The following RRM2 variants were observed in gnomAD, a reference collection of about 807,000 sequenced individuals.
RRM2 encodes ribonucleoside-diphosphate reductase subunit M2.
In RRM2, 6 loss-of-function variants were observed where a neutral mutation model predicts 45.9. The observed-to-expected ratio is 0.13, with a 90% CI of 0.07 to 0.26. The LOEUF (loss-of-function observed/expected upper bound fraction) is 0.26. RRM2 is among the 10% of genes least tolerant of loss of function. The pLI, the probability that RRM2 is intolerant of heterozygous loss-of-function variation, is 1.00. For missense variants in RRM2, 343 were observed against 489.5 expected (o/e 0.70, Z 2.82); for synonymous variants, 177 against 173.0 (o/e 1.02, Z -0.18).
At chr2:10,176,958 T>A (rs1042789934) in intron 3 of RRM2, among the ~76,000 whole-genome samples, 3 of 152,136 alleles carry the variant, frequency 2.0e-5, no homozygotes, top group African/African-American at 7.2e-5. Context: ...AAAATAGTAC[T>A]GATTGAGCCG....
upstream of RRM2, among the ~76,000 whole-genome samples, chr2:10,140,107 C>T (rs372850246): frequency 1.1e-4 from 16 of 152,148 alleles, 1 homozygote; most frequent in Admixed American, 5.9e-4. Context: ...ATTAGCTGGG[C>T]GTGGTGGCGG....
intron 3 of RRM2, among the ~76,000 whole-genome samples, chr2:10,150,182 G>C (rs1367430048): frequency 6.6e-6 from 1 of 151,856 alleles, no homozygotes. Context: ...GCGTGGTGGT[G>C]CAAGCCTGTA....
intron 3 of RRM2, among the ~76,000 whole-genome samples, chr2:10,161,457 G>A (rs76765357): frequency 0.025 from 3,857 of 152,294 alleles, 176 homozygotes; most frequent in African/African-American, 0.088. Flanking sequence ...GCGTGCACGA[G>A]GGGCACAGCC....
intron 3 of RRM2, among the ~76,000 whole-genome samples, chr2:10,192,438 T>C (rs1046175514): frequency 9.9e-5 from 15 of 152,190 alleles, no homozygotes; most frequent in Admixed American, 7.9e-4. Context: ...GCTCCAGCTC[T>C]GGAGAACACA....
upstream of RRM2, among the ~76,000 whole-genome samples, chr2:10,137,603 T>C (rs1208963726): frequency 6.6e-6 from 1 of 152,202 alleles, no homozygotes; most frequent in Non-Finnish European, 1.5e-5. Flanking sequence ...GCTAGAAAGG[T>C]AGCTTATGGC....
intron 3 of RRM2, among the ~76,000 whole-genome samples, chr2:10,143,094 T>C (rs1325462029): frequency 3.9e-5 from 6 of 152,184 alleles, no homozygotes; most frequent in African/African-American, 1.4e-4. Flanking sequence ...AGGATGGTCT[T>C]GATCTCCTGA....
chr2:10,174,363 G>C (rs1663869052), intron 3 of RRM2, among the ~76,000 whole-genome samples: 1 of 152,194 alleles, frequency 6.6e-6, no homozygotes, highest in Non-Finnish European at 1.5e-5. Context: ...GCTGTCAGCA[G>C]AGGGGAATGG....
At chr2:10,151,564 C>T (rs1663313116) in intron 3 of RRM2, among the ~76,000 whole-genome samples, 1 of 152,146 alleles carries the variant, frequency 6.6e-6, no homozygotes, top group East Asian at 1.9e-4. Context: ...TCCGAAAGTG[C>T]TGGGATCACA....
At chr2:10,125,471 T>C (rs1184353440) in intron 5 of RRM2, among the ~76,000 whole-genome samples, 1 of 152,092 alleles carries the variant, frequency 6.6e-6, no homozygotes, top group Non-Finnish European at 1.5e-5. Context: ...TTTGGGAGGC[T>C]GAAGCGGGCG....
chr2:10,153,108 A>AG (rs1663350124), intron 3 of RRM2, among the ~76,000 whole-genome samples: 1 of 151,982 alleles, frequency 6.6e-6, no homozygotes, highest in Non-Finnish European at 1.5e-5. Flanking sequence ...AAAGTAGGTG[A>AG]ATCACTTGAG....
Position 10,169,655 on chromosome 2 carries a change from C to T in RRM2, n.482+27280C>T, listed in dbSNP as rs537796179. 1.1e-4 allele frequency among the ~76,000 whole-genome samples: 17 copies of T among 152,136 alleles called. No individual in the cohort carries two copies. The highest frequency in any genetic ancestry group is 2.5e-4 in the Non-Finnish European group (17 of 68,036). ...CTGGCAGGCACGGCCACAGAATATGCGCCCCTTTCCTGGCCCCCTCGAGGT... is the reference window on the plus strand; with the variant it reads ...CTGGCAGGCACGGCCACAGAATATGTGCCCCTTTCCTGGCCCCCTCGAGGT... On this transcript the variant is annotated intron_variant and non_coding_transcript_variant, in intron 3 of 3. Coordinates refer to the RRM2 transcript ENST00000381786. This position sits in a 1 kb window ranked among gnomAD's most constrained non-coding sequence, Gnocchi z 5.1.
chr2:10,127,465 A>G lies in RRM2; in HGVS notation c.798+245A>G, dbSNP rs1662803990. The G allele has an allele frequency of 2.5e-6, 1 of 395,266 alleles. No individual in the cohort carries two copies. 24.5% of individuals were successfully genotyped at this position (395,266 alleles called of 1,614,324 possible). A position where few individuals can be genotyped will look rare whatever the true frequency, so the allele number is the denominator to read the frequency against. On this transcript the variant is annotated intron_variant, in intron 7 of 9. Transcript: ENST00000304567. This position sits in a 1 kb window ranked among gnomAD's most constrained non-coding sequence, Gnocchi z 4.1. ...ATTCCCCTATAGGCTTTGAATGCAT[A>G]AAACTACAAGTTCTTTGTTTTTTGA...
upstream of RRM2, among the ~76,000 whole-genome samples, chr2:10,137,018 G>A (rs987680484): frequency 6.6e-6 from 1 of 152,212 alleles, no homozygotes; most frequent in Non-Finnish European, 1.5e-5. Flanking sequence ...AGTGAATTCT[G>A]AAGTCCACAT....
chr2:10,194,588 C>G (rs564374779), intron 3 of RRM2, among the ~76,000 whole-genome samples: 29 of 152,242 alleles, frequency 1.9e-4, no homozygotes, highest in Non-Finnish European at 3.7e-4. Context: ...GTCCATTTCC[C>G]CAACCACCGG....
At position 10,127,369 on chromosome 2, in the gene RRM2, G is replaced by A; in HGVS notation, c.798+149G>A. On this transcript the variant is annotated intron_variant, in intron 7 of 9. Transcript: ENST00000304567. The surrounding 1 kb of genome is among the most constrained non-coding windows in gnomAD (Gnocchi z 4.1). ...ACCATACACATACTTGACAAAAGAA[G>A]GAAATACTTTCATTTACTGAAACTG... 1 of 736,950 alleles carries A rather than the reference G, an allele frequency of 1.4e-6. No individual in the cohort carries two copies. Among genetic ancestry groups the A allele is most frequent in the Non-Finnish European group, 2.2e-6 (1 of 463,428 alleles). 45.7% of individuals were successfully genotyped at this position (736,950 alleles called of 1,614,324 possible).
In RRM2 at chr2:10,172,003, C is replaced by T. The variant is rs1663815656; in HGVS notation, n.482+29628C>T. Reference sequence around the variant, plus strand: ...GTTTAGAAAACCGGGCAGAGGAGCCCTGCTAGTCCAGGCCGGGCCAGCGCC... The same window carrying T: ...GTTTAGAAAACCGGGCAGAGGAGCCTTGCTAGTCCAGGCCGGGCCAGCGCC... On this transcript the variant is annotated intron_variant and non_coding_transcript_variant, in intron 3 of 3. Transcript: ENST00000381786. The surrounding 1 kb of genome is among the most constrained non-coding windows in gnomAD (Gnocchi z 4.9). Among the ~76,000 whole-genome samples the T allele has an allele frequency of 2.0e-5, 3 of 152,158 alleles. No homozygotes were observed. The highest frequency in any genetic ancestry group is 7.2e-5 in the African/African-American group (3 of 41,442).
At chr2:10,162,420 C>T (rs548185611) in intron 3 of RRM2, among the ~76,000 whole-genome samples, 84 of 152,234 alleles carry the variant, frequency 5.5e-4, no homozygotes, top group Non-Finnish European at 1.1e-3. Context: ...TGAGTCTCAG[C>T]TCTGCCATTT....
chr2:10,142,477 C>T, intron 3 of RRM2: 1 of 1,160,522 alleles, frequency 8.6e-7, no homozygotes, highest in Non-Finnish European at 1.2e-6. Context: ...TGTACAGGGC[C>T]CCCACGCACC....
intron 3 of RRM2, among the ~76,000 whole-genome samples, chr2:10,187,675 A>C (rs946392366): frequency 1.3e-5 from 2 of 152,138 alleles, no homozygotes; most frequent in Non-Finnish European, 2.9e-5. Flanking sequence ...TGTGTAAAAC[A>C]GGGATTGTGG....
Sources: gnomAD v4.1 joint callset for allele counts (sites outside exome capture counted in the v4.1 genomes callset) on GRCh38, gnomAD v4.1.1 for gene constraint, Gnocchi (gnomAD v3.1) non-coding constraint, MANE v1.5 for transcripts, NCBI Gene and HGNC (gene_info 2026-07-23, HGNC 2026-07-21) for gene names.